The following SRRM4 variants were observed in gnomAD, a reference collection of about 807,000 sequenced individuals.
SRRM4 encodes the protein serine/arginine repetitive matrix 4, also known as serine/arginine repetitive matrix protein 4.
SRRM4 carries 33 observed loss-of-function variants against 68.9 expected under a neutral mutation model. The ratio of observed to expected loss-of-function variants is 0.48; its 90% CI spans 0.36 to 0.64. SRRM4 has a LOEUF of 0.64. SRRM4 is among the 30% of genes least tolerant of loss of function. The pLI, the probability that SRRM4 is intolerant of heterozygous loss-of-function variation, is 0.00. For missense variants in SRRM4, 817 were observed against 827.1 expected (o/e 0.99, Z 0.15); for synonymous variants, 318 against 318.8 (o/e 1.00, Z 0.03).
intron 6 of SRRM4, chr12:119,124,133 GA>G (rs1044604472): frequency 1.8e-4 from 28 of 152,342 alleles, no homozygotes; most frequent in African/African-American, 6.7e-4. Context: ...ATCCCTTTAA[GA>G]AAAGTGCTTA....
intron 1 of SRRM4, among the ~76,000 whole-genome samples, chr12:119,053,993 T>C (rs1953761319): frequency 6.6e-6 from 1 of 152,182 alleles, no homozygotes. Context: ...CTTTCTATTT[T>C]CTTTACCCAT....
At chr12:119,022,784 A>G (rs1953524266) in intron 1 of SRRM4, among the ~76,000 whole-genome samples, 1 of 152,190 alleles carries the variant, frequency 6.6e-6, no homozygotes, top group African/African-American at 2.4e-5. Flanking sequence ...AGAAAACATA[A>G]TAATCAGGGA....
chr12:119,130,085 T>G (rs1218602588), intron 7 of SRRM4, among the ~76,000 whole-genome samples: 1 of 141,708 alleles, frequency 7.1e-6, no homozygotes, highest in African/African-American at 2.7e-5. Flanking sequence ...GGTTGGATGA[T>G]TGGATGGACG....
At chr12:119,144,628 A>G (rs1954389175) in intron 8 of SRRM4, 1 of 152,244 alleles carries the variant, frequency 6.6e-6, no homozygotes, top group Non-Finnish European at 1.5e-5. Flanking sequence ...TACCTTCTAC[A>G]AGGGGAAAAG....
chr12:119,004,494 T>C (rs925761059), intron 1 of SRRM4, among the ~76,000 whole-genome samples: 2 of 151,996 alleles, frequency 1.3e-5, no homozygotes, highest in Admixed American at 1.3e-4. Context: ...AGAGAGCTTC[T>C]GAGGAGGCCT....
intron 1 of SRRM4, among the ~76,000 whole-genome samples, chr12:119,043,614 A>G (rs1238186462): frequency 6.6e-6 from 1 of 152,168 alleles, no homozygotes; most frequent in East Asian, 1.9e-4. Flanking sequence ...AAGTCCTAGG[A>G]GACCAAGGAA....
chr12:119,108,127 G>A (rs1038421816), intron 2 of SRRM4, among the ~76,000 whole-genome samples: 11 of 152,322 alleles, frequency 7.2e-5, no homozygotes, highest in African/African-American at 2.6e-4. Flanking sequence ...GTGCAGTTTT[G>A]AGTGTGTCTC....
chr12:119,080,856 T>C (rs559275461), intron 1 of SRRM4, among the ~76,000 whole-genome samples: 23 of 152,346 alleles, frequency 1.5e-4, no homozygotes, highest in African/African-American at 5.1e-4. Flanking sequence ...TCCAGACGTA[T>C]AACAGGTGAT....
At chr12:119,131,996 C>A (rs1353039922) in intron 8 of SRRM4, among the ~76,000 whole-genome samples, 1 of 152,134 alleles carries the variant, frequency 6.6e-6, no homozygotes, top group African/African-American at 2.4e-5. Flanking sequence ...GCCTGGTTGA[C>A]ACAATAATTA....
At chr12:119,090,878 C>A (rs1475236438) in intron 1 of SRRM4, among the ~76,000 whole-genome samples, 1 of 152,192 alleles carries the variant, frequency 6.6e-6, no homozygotes, top group Non-Finnish European at 1.5e-5. Context: ...GGAGGAGAGA[C>A]AAGGAGACCC....
intron 1 of SRRM4, among the ~76,000 whole-genome samples, chr12:119,057,029 G>A (rs1456195332): frequency 2.6e-5 from 4 of 152,144 alleles, no homozygotes; most frequent in Non-Finnish European, 5.9e-5. Context: ...TTCAACAGAT[G>A]ATAAGATATA....
intron 8 of SRRM4, among the ~76,000 whole-genome samples, chr12:119,133,460 C>T (rs1264588242): frequency 6.6e-6 from 1 of 152,140 alleles, no homozygotes; most frequent in East Asian, 1.9e-4. Context: ...GCTTCCCAGA[C>T]CAATTTCTTT....
chr12:119,019,982 C>G (rs934736805), intron 1 of SRRM4, among the ~76,000 whole-genome samples: 3 of 123,872 alleles, frequency 2.4e-5, no homozygotes, highest in South Asian at 5.6e-4. Flanking sequence ...CACACACATG[C>G]AACAGCACCC....
intron 1 of SRRM4, among the ~76,000 whole-genome samples, chr12:119,093,750 C>A (rs1954027985): frequency 6.6e-6 from 1 of 152,206 alleles, no homozygotes; most frequent in African/African-American, 2.4e-5. Flanking sequence ...ACACCCTGCT[C>A]AAGTGGAAAA....
chr12:119,008,809 C>G (rs535637241), intron 1 of SRRM4, among the ~76,000 whole-genome samples: 1 of 152,100 alleles, frequency 6.6e-6, no homozygotes, highest in Non-Finnish European at 1.5e-5. Flanking sequence ...ACCAGCTCTC[C>G]GGCCTTTGAC....
intron 8 of SRRM4, among the ~76,000 whole-genome samples, chr12:119,138,719 T>C (rs1565917425): frequency 6.6e-6 from 1 of 152,222 alleles, no homozygotes; most frequent in Non-Finnish European, 1.5e-5. Context: ...AGAGGTTCCT[T>C]GCCCTCTCAA....
intron 2 of SRRM4, among the ~76,000 whole-genome samples, chr12:119,109,911 T>C (rs11064664): frequency 0.21 from 32,222 of 152,150 alleles, 4,228 homozygotes; most frequent in South Asian, 0.28. Context: ...CTCTGATTTT[T>C]AGAATTTTAG....
At chr12:119,003,003 T>C (rs191054760) in intron 1 of SRRM4, among the ~76,000 whole-genome samples, 183 of 151,710 alleles carry the variant, frequency 1.2e-3, no homozygotes, top group African/African-American at 3.7e-3. Context: ...ATTTTACAGT[T>C]GAGAAACCTG....
intron 1 of SRRM4, among the ~76,000 whole-genome samples, chr12:119,022,669 A>G (rs1362701350): frequency 1.6e-4 from 25 of 152,230 alleles, no homozygotes; most frequent in Admixed American, 1.6e-3. Context: ...GGTCACATAT[A>G]TCTCAGCATT....
Sources: allele counts gnomAD v4.1 joint callset (sites outside exome capture counted in the v4.1 genomes callset), GRCh38; gene constraint gnomAD v4.1.1; transcripts MANE v1.5; gene names NCBI Gene and HGNC (gene_info 2026-07-23, HGNC 2026-07-21).